The following RABGAP1 variants were observed in gnomAD, a reference collection of about 807,000 sequenced individuals.
The protein encoded by RABGAP1 is rab GTPase-activating protein 1.
In RABGAP1, 23 loss-of-function variants were observed where a neutral mutation model predicts 137.6. That is an observed-to-expected ratio of 0.17 (90% CI 0.12 to 0.24). The LOEUF is 0.24. Among genes scored for constraint, RABGAP1 ranks in the 10% least tolerant of loss-of-function variants. The pLI is 1.00. For synonymous variants in RABGAP1, 451 were observed against 450.7 expected (o/e 1.00, Z -0.01); for missense variants, 906 against 1,275.8 (o/e 0.71, Z 4.42).
chr9:123,080,911 C>T (rs141658698), intron 19 of RABGAP1, among the ~76,000 whole-genome samples: 16 of 152,232 alleles, frequency 1.1e-4, no homozygotes, highest in African/African-American at 3.1e-4. Context: ...TCCACTTATA[C>T]GTGGATTTTT....
chr9:123,084,070 C>G (rs925278647), intron 19 of RABGAP1, among the ~76,000 whole-genome samples: 4 of 152,116 alleles, frequency 2.6e-5, no homozygotes, highest in African/African-American at 9.7e-5. Flanking sequence ...ATCTATGATA[C>G]GGTATGATGT....
At chr9:123,024,584 C>T (rs748933677) in intron 13 of RABGAP1, among the ~76,000 whole-genome samples, 7 of 151,982 alleles carry the variant, frequency 4.6e-5, no homozygotes, top group East Asian at 1.9e-4. Context: ...GGATTACAGG[C>T]GCATGCCACC....
intron 4 of RABGAP1, 80 bp from the exon 5 acceptor site, chr9:122,989,217 T>C: frequency 7.9e-7 from 1 of 1,258,456 alleles, no homozygotes; most frequent in Non-Finnish European, 1.1e-6. Flanking sequence ...CTAGAAAGAA[T>C]GAGTCTCACA....
intron 13 of RABGAP1, chr9:123,035,178 C>G (rs977668582): frequency 6.2e-7 from 1 of 1,614,088 alleles, no homozygotes; most frequent in Non-Finnish European, 8.5e-7. Context: ...CCCCAGCAGC[C>G]CTTATTGTCT....
At chr9:122,964,445 A>G (rs554904371) in intron 2 of RABGAP1, among the ~76,000 whole-genome samples, 1 of 152,350 alleles carries the variant, frequency 6.6e-6, no homozygotes, top group South Asian at 2.1e-4. Flanking sequence ...CACCGTATCT[A>G]TAGAATAAAA....
At chr9:123,020,551 TATTATTA>T in intron 13 of RABGAP1, 92 bp downstream of exon 13, 1 of 1,213,018 alleles carries the variant, frequency 8.2e-7, no homozygotes, top group Non-Finnish European at 1.1e-6. Flanking sequence ...AAGAAGTGTT[TATTATTA>T]ATTTATTTAA....
In RABGAP1 at chr9:123,066,834, G is replaced by T. The variant is rs371008598; in HGVS notation, c.1908+1373G>T. On this transcript the variant is annotated intron_variant, in intron 14 of 25. Transcript: ENST00000373647. ...AAAATACAGTTCATTTTAAAACATG[G>T]TTTATTATGAAAAATTTCAAACGTA... Among the ~76,000 whole-genome samples, 466 of 152,266 alleles carry T rather than the reference G, an allele frequency of 3.1e-3. 2 individuals are homozygous for T. Among genetic ancestry groups the T allele is most frequent in the Non-Finnish European group, 4.6e-3 (314 of 68,004 alleles).
chr9:123,069,730 A>G (rs766844799), intron 14 of RABGAP1, among the ~76,000 whole-genome samples: 1 of 152,110 alleles, frequency 6.6e-6, no homozygotes, highest in African/African-American at 2.4e-5. Context: ...AAAAATTTTT[A>G]AAAATTAGGC....
chr9:123,000,514 T>C (rs111753710), intron 10 of RABGAP1, among the ~76,000 whole-genome samples: 3 of 151,544 alleles, frequency 2.0e-5, no homozygotes, highest in African/African-American at 7.3e-5. Flanking sequence ...TTACTTTCTT[T>C]TCCTTACTTT....
Position 122,989,453 on chromosome 9 carries a change from G to T in RABGAP1, c.747G>T (p.Arg249=). 1 of 1,613,900 alleles carries T rather than the reference G, an allele frequency of 6.2e-7. No homozygotes were observed. Among genetic ancestry groups the T allele is most frequent in the Non-Finnish European group, 8.5e-7 (1 of 1,179,986 alleles). The change falls in exon 5 of 26, where the codon CGG becomes CGT. Residue 249 remains arginine (R), a synonymous_variant. Transcript: ENST00000373647. ...NAELFRIHVF[R]CEIQEAVSRI... The stretch of plus-strand genomic sequence containing the variant: ...AGCTCTTCAGAATACACGTCTTCCG[G>T]TGTGAAATACAAGAAGCTGTAAGTC...
At chr9:123,027,096 T>C (rs541492717) in intron 13 of RABGAP1, among the ~76,000 whole-genome samples, 1 of 145,716 alleles carries the variant, frequency 6.9e-6, no homozygotes, top group African/African-American at 2.5e-5. Context: ...TTTACATTTC[T>C]TTCTTTCTTT....
the RABGAP1 span, among the ~76,000 whole-genome samples, chr9:122,935,627 C>T: frequency 6.6e-6 from 1 of 152,222 alleles, no homozygotes; most frequent in African/African-American, 2.4e-5. Context: ...AGACATGAGC[C>T]ACCACGCCCA....
In RABGAP1 at chr9:123,070,221, T is replaced by A; in HGVS notation, c.1909-129T>A. 1 of 1,481,904 alleles carries A rather than the reference T, an allele frequency of 6.7e-7. No individual in the cohort carries two copies. The highest frequency in any genetic ancestry group is 9.0e-7 in the Non-Finnish European group (1 of 1,114,888). The allele number at this position is 1,481,904 out of a possible 1,614,324, so 91.8% of individuals were successfully genotyped here. A position where few individuals can be genotyped will look rare whatever the true frequency, so the allele number is the denominator to read the frequency against. Reference sequence around the variant, plus strand: ...GGAGAGAAGTATTGGCACCACTTACTGTCTGTCAAAATGCTGTCCCAGTGT... The same window carrying A: ...GGAGAGAAGTATTGGCACCACTTACAGTCTGTCAAAATGCTGTCCCAGTGT... On this transcript the variant is annotated intron_variant, in intron 14 of 25. Transcript: ENST00000373647. This position sits in a 1 kb window ranked among gnomAD's most constrained non-coding sequence, Gnocchi z 4.4.
intron 1 of RABGAP1, among the ~76,000 whole-genome samples, chr9:122,951,045 G>A (rs1013372108): frequency 2.0e-5 from 3 of 152,142 alleles, no homozygotes; most frequent in African/African-American, 7.2e-5. Flanking sequence ...TTTTTAAGGG[G>A]TTCAGTGAAA....
At chr9:123,079,725 T>C (rs957442326) in intron 19 of RABGAP1, among the ~76,000 whole-genome samples, 1 of 152,130 alleles carries the variant, frequency 6.6e-6, no homozygotes, top group East Asian at 1.9e-4. Flanking sequence ...GTCTCTCTGC[T>C]TGTAATGTTC....
intron 1 of RABGAP1, among the ~76,000 whole-genome samples, chr9:122,956,045 T>A (rs755405848): frequency 6.6e-6 from 1 of 152,222 alleles, no homozygotes; most frequent in Non-Finnish European, 1.5e-5. Context: ...ACTCAATAAA[T>A]AATTGAATGA....
chr9:123,022,701 G>A (rs147514998), intron 13 of RABGAP1, among the ~76,000 whole-genome samples: 1,558 of 152,002 alleles, frequency 0.01, 6 homozygotes, highest in Non-Finnish European at 0.015. Context: ...CACCGCGCCC[G>A]GCCCCCCAAA....
intron 13 of RABGAP1, among the ~76,000 whole-genome samples, chr9:123,021,525 T>C (rs2031639800): frequency 6.6e-6 from 1 of 152,126 alleles, no homozygotes. Context: ...TTCTCCATTT[T>C]GGCCAGACTG....
chr9:123,017,300 CAACTTGGA>C lies in RABGAP1; in HGVS notation c.1643+1666_1643+1673del, dbSNP rs1181651527. Among the ~76,000 whole-genome samples, 12 of 152,300 alleles carry C rather than the reference CAACTTGGA, an allele frequency of 7.9e-5. 1 individual carries two copies. In the South Asian group the frequency reaches 2.5e-3, roughly 32 times the overall value. On this transcript the variant is annotated intron_variant, in intron 12 of 25. Coordinates refer to ENST00000373647, the MANE Select transcript of RABGAP1 (RefSeq NM_012197.4). ...TACACGAACCCATCAGCATCTTATA[CAACTTGGA>C]ATTCGTTTTGTTATCAAGCTTTGTT... is the stretch of plus-strand genomic sequence containing the variant.
Sources: allele counts gnomAD v4.1 joint callset (sites outside exome capture counted in the v4.1 genomes callset), GRCh38; gene constraint gnomAD v4.1.1; non-coding constraint Gnocchi (gnomAD v3.1); transcripts MANE v1.5; gene names NCBI Gene and HGNC (gene_info 2026-07-23, HGNC 2026-07-21).